FOXN3: variants seen among roughly 807,000 people sequenced by gnomAD.
FOXN3 encodes the protein forkhead box protein N3.
A neutral mutation model predicts 38.4 loss-of-function variants in FOXN3; 7 were observed. The observed-to-expected ratio is 0.18, with a 90% confidence interval of 0.10 to 0.34. The LOEUF (loss-of-function observed/expected upper bound fraction) is 0.34. Ranked by LOEUF, FOXN3 falls within the 10% of genes least tolerant of loss-of-function variation. The pLI, the probability that FOXN3 is intolerant of heterozygous loss-of-function variation, is 1.00. For synonymous variants in FOXN3, 230 were observed against 242.2 expected (o/e 0.95, Z 0.47); for missense variants, 456 against 613.4 (o/e 0.74, Z 2.71).
chr14:89,453,737 G>T (rs1892666640), intron 1 of FOXN3, among the ~76,000 whole-genome samples: 2 of 152,156 alleles, frequency 1.3e-5, no homozygotes, highest in South Asian at 4.1e-4. Flanking sequence ...CTCTTGTTTT[G>T]GTGGGCCCCA....
At chr14:89,266,292 G>A (rs966496651) in intron 4 of FOXN3, among the ~76,000 whole-genome samples, 45 of 152,154 alleles carry the variant, frequency 3.0e-4, no homozygotes, top group African/African-American at 1.1e-3. Context: ...ACTTCTCACT[G>A]TGTCCTCACG....
intron 2 of FOXN3, among the ~76,000 whole-genome samples, chr14:89,385,470 T>G (rs1224799713): frequency 8.3e-6 from 1 of 120,864 alleles, no homozygotes; most frequent in Non-Finnish European, 1.7e-5. Context: ...CCAATTTCTC[T>G]CTGAATAACA....
intron 1 of FOXN3, among the ~76,000 whole-genome samples, chr14:89,450,837 G>A (rs749959731): frequency 3.0e-4 from 45 of 152,188 alleles, no homozygotes; most frequent in Middle Eastern, 3.4e-3. Context: ...CGCCCACCTC[G>A]GCCTCCCTTT....
intron 4 of FOXN3, among the ~76,000 whole-genome samples, chr14:89,213,330 G>A (rs1354410990): frequency 6.6e-6 from 1 of 152,212 alleles, no homozygotes; most frequent in Admixed American, 6.5e-5. Context: ...AAAGCCCCAA[G>A]ACAGGGGCTC....
intron 1 of FOXN3, among the ~76,000 whole-genome samples, chr14:89,433,754 G>A (rs940745378): frequency 6.6e-6 from 1 of 151,316 alleles, no homozygotes; most frequent in Non-Finnish European, 1.5e-5. Context: ...GGAGGTTGCA[G>A]TGAGCTGAGA....
In FOXN3 at chr14:89,280,982, G is replaced by T. The variant is rs1394781073; in HGVS notation, c.713C>A (p.Thr238Asn). 7 of 1,613,734 alleles carry T rather than the reference G, an allele frequency of 4.3e-6. No homozygotes were observed. The East Asian group carries it at 1.1e-4, about 26-fold the overall frequency. Reference protein sequence around the residue: ...TSGPPIWPGSTFFKRNGALLQ... With the variant: ...TSGPPIWPGSNFFKRNGALLQ... ...AAGGGCTCCATTTCTCTTGAAGAAG[G>T]TACTGCCCGGCCAGATGGGTGGACC... The change falls in exon 4 of 6, where the codon ACC (threonine) becomes AAC (asparagine). Residue 238 changes from threonine (T) to asparagine (N), a missense_variant. Physicochemically the swap from Thr to Asn is moderately conservative, Grantham distance 65. Transcript: ENST00000557258.
At chr14:89,297,934 A>G (rs1233752326) in intron 3 of FOXN3, among the ~76,000 whole-genome samples, 1 of 152,328 alleles carries the variant, frequency 6.6e-6, no homozygotes, top group East Asian at 1.9e-4. Flanking sequence ...ACAGTGAGCT[A>G]TAATCATGCT....
intron 1 of FOXN3, among the ~76,000 whole-genome samples, chr14:89,534,458 G>A (rs1163596194): frequency 6.6e-6 from 1 of 152,058 alleles, no homozygotes; most frequent in Non-Finnish European, 1.5e-5. Flanking sequence ...AAGAAACATT[G>A]GAATTTTACC....
rs535704486 is a variant in FOXN3, at chr14:89,246,957, C to T, written c.745+33993G>A. Among the ~76,000 whole-genome samples, 4 of 152,182 alleles carry T rather than the reference C, an allele frequency of 2.6e-5. No individual in the cohort carries two copies. In the South Asian group the frequency reaches 8.3e-4, roughly 31 times the overall value. On this transcript the variant is annotated intron_variant, in intron 4 of 5. Transcript: ENST00000557258. ...ATAACCCCTCCCTCAATTCATCCCTCCAATCTGGGCAACAGGAGAAAGAGA... is the reference window on the plus strand; with the variant it reads ...ATAACCCCTCCCTCAATTCATCCCTTCAATCTGGGCAACAGGAGAAAGAGA...
At chr14:89,268,743 A>C (rs1886058409) in intron 4 of FOXN3, among the ~76,000 whole-genome samples, 1 of 151,968 alleles carries the variant, frequency 6.6e-6, no homozygotes, top group African/African-American at 2.4e-5. Flanking sequence ...CTATCCCTCC[A>C]CCAGTCACTA....
intron 4 of FOXN3, among the ~76,000 whole-genome samples, chr14:89,186,206 C>G (rs1473191365): frequency 6.6e-6 from 1 of 152,166 alleles, no homozygotes; most frequent in East Asian, 1.9e-4. Flanking sequence ...CACGGGGAGA[C>G]ACAGCCTATT....
At chr14:89,353,164 C>G (rs1357669385) in intron 2 of FOXN3, among the ~76,000 whole-genome samples, 1 of 152,182 alleles carries the variant, frequency 6.6e-6, no homozygotes, top group Non-Finnish European at 1.5e-5. Context: ...GCACAAATCA[C>G]AGCGCCATGG....
intron 1 of FOXN3, among the ~76,000 whole-genome samples, chr14:89,489,796 C>T (rs1485192411): frequency 1.3e-5 from 2 of 152,236 alleles, no homozygotes; most frequent in African/African-American, 4.8e-5. Flanking sequence ...CACATTTACA[C>T]AGAAACCAAG....
intron 4 of FOXN3, among the ~76,000 whole-genome samples, chr14:89,213,963 A>G (rs1884182891): frequency 6.6e-6 from 1 of 152,228 alleles, no homozygotes; most frequent in Non-Finnish European, 1.5e-5. Flanking sequence ...TCTTTACTCA[A>G]TGAGTTTTCT....
intron 2 of FOXN3, among the ~76,000 whole-genome samples, chr14:89,374,121 C>T (rs554639189): frequency 1.8e-4 from 28 of 151,714 alleles, no homozygotes; most frequent in African/African-American, 4.8e-4. Context: ...CAAAAATTAA[C>T]GGCATGATGG....
At chr14:89,533,164 A>T (rs1354627057) in intron 1 of FOXN3, among the ~76,000 whole-genome samples, 4 of 152,244 alleles carry the variant, frequency 2.6e-5, no homozygotes, top group South Asian at 2.1e-4. Flanking sequence ...AAGCTAAAAA[A>T]TTACTGTGCT....
chr14:89,456,832 GGTTA>G (rs2139720989), intron 1 of FOXN3, among the ~76,000 whole-genome samples: 1 of 152,296 alleles, frequency 6.6e-6, no homozygotes, highest in South Asian at 2.1e-4. Flanking sequence ...GTCAGAGATG[GGTTA>G]ATTATAGGCT....
At chr14:89,549,086 T>G (rs1035941265) in intron 1 of FOXN3, among the ~76,000 whole-genome samples, 1 of 150,686 alleles carries the variant, frequency 6.6e-6, no homozygotes. Flanking sequence ...GCCACTGCAC[T>G]CCAGCCTTGG....
At chr14:89,347,874 A>G (rs553316970) in intron 3 of FOXN3, among the ~76,000 whole-genome samples, 9 of 152,224 alleles carry the variant, frequency 5.9e-5, no homozygotes, top group Non-Finnish European at 1.3e-4. Context: ...GAATCCCTTG[A>G]ACCCAGGAGG....
Sources: gnomAD v4.1 joint callset for allele counts (sites outside exome capture counted in the v4.1 genomes callset) on GRCh38, gnomAD v4.1.1 for gene constraint, MANE v1.5 for transcripts, NCBI Gene and HGNC (gene_info 2026-07-23, HGNC 2026-07-21) for gene names.